The following PCNX2 variants were observed in gnomAD, a reference collection of about 807,000 sequenced individuals.
PCNX2 encodes the protein pecanex 2.
Under a neutral mutation model 223.8 loss-of-function variants are expected in PCNX2, and 168 were observed. That is an observed-to-expected ratio of 0.75 (90% CI 0.66 to 0.85). PCNX2 has a LOEUF of 0.85. Ranked by LOEUF, PCNX2 falls within the 40% of genes least tolerant of loss-of-function variation. The probability of loss-of-function intolerance (pLI) is 0.00; values close to 1 mark genes in which losing one functional copy is unlikely to be tolerated. For synonymous variants in PCNX2, 1,006 were observed against 1,052.6 expected (o/e 0.96, Z 0.86); for missense variants, 2,507 against 2,675.5 (o/e 0.94, Z 1.39).
intron 28 of PCNX2, among the ~76,000 whole-genome samples, chr1:233,007,107 G>A (rs750536859): frequency 4.6e-5 from 7 of 151,892 alleles, no homozygotes; most frequent in Non-Finnish European, 8.8e-5. Flanking sequence ...GCACATGCCT[G>A]TAGTCTCAGC....
intron 18 of PCNX2, among the ~76,000 whole-genome samples, 158 bp downstream of exon 18, chr1:233,161,113 T>C (rs993326384): frequency 1.3e-5 from 2 of 152,174 alleles, no homozygotes; most frequent in African/African-American, 4.8e-5. Context: ...TGGACATAAC[T>C]GTTCACAGTA....
intron 32 of PCNX2, among the ~76,000 whole-genome samples, chr1:232,988,347 G>C (rs895380139): frequency 1.3e-5 from 2 of 152,034 alleles, no homozygotes; most frequent in Non-Finnish European, 2.9e-5. Context: ...AAAGGGAAGT[G>C]GCCTGCTGTA....
intron 8 of PCNX2, among the ~76,000 whole-genome samples, chr1:233,246,216 GAATGCCCTTCAGATGGGATA>G (rs1214394620): frequency 2.2e-4 from 33 of 147,200 alleles, no homozygotes; most frequent in Admixed American, 7.3e-4. Flanking sequence ...CAGATGGGAT[GAATGCCCTTCAGATGGGATA>G]AATGCCCTTC....
intron 23 of PCNX2, among the ~76,000 whole-genome samples, chr1:233,066,331 A>T (rs1439393644): frequency 6.6e-6 from 1 of 152,146 alleles, no homozygotes; most frequent in Non-Finnish European, 1.5e-5. Flanking sequence ...AAGAGCTGTG[A>T]TCCTTCTGGG....
chr1:233,290,761 A>AT, intron 1 of PCNX2: 1 of 985,368 alleles, frequency 1.0e-6, no homozygotes, highest in Non-Finnish European at 1.2e-6. Flanking sequence ...CTAAGATTAA[A>AT]TTTTAAAAAG....
At chr1:233,223,278 C>T (rs191705493) in intron 10 of PCNX2, among the ~76,000 whole-genome samples, 3 of 152,230 alleles carry the variant, frequency 2.0e-5, no homozygotes, top group Admixed American at 2.0e-4. Context: ...GTGACCCTGA[C>T]AAGGGCAGGT....
In PCNX2 at chr1:233,095,832, A is replaced by G. The variant is rs756904166; in HGVS notation, c.3869T>C (p.Val1290Ala). ...LGDLLHKLQF[V>A]LTYVAPWQMA... The stretch of plus-strand genomic sequence containing the variant: ...CTGCCAAGGAGCCACATATGTCAGG[A>G]CGAACTGTAACTTGTGAAGCAGGTC... The change falls in exon 22 of 34, where the codon GTC becomes GCC. Residue 1290 changes from valine (V) to alanine (A), a missense_variant. By Grantham distance (64) the Val-to-Ala change is moderately conservative. This residue lies in a region of PCNX2 where 1,372 missense variants were observed against 1,509.4 expected (regional missense o/e 0.91). Coordinates refer to ENST00000258229, the MANE Select transcript of PCNX2 (RefSeq NM_014801.4). The G allele has an allele frequency of 6.2e-7, 1 of 1,612,070 alleles. No individual in the cohort carries two copies. The highest frequency in any genetic ancestry group is 1.1e-5 in the South Asian group (1 of 90,464).
chr1:233,288,824 T>TAATG, intron 1 of PCNX2: 1 of 748,784 alleles, frequency 1.3e-6, no homozygotes, highest in Non-Finnish European at 2.1e-6. Context: ...TTTTTTTTTT[T>TAATG]TTACTGTGAA....
At chr1:233,188,757 A>G (rs1011540262) in intron 15 of PCNX2, among the ~76,000 whole-genome samples, 8 of 152,140 alleles carry the variant, frequency 5.3e-5, no homozygotes, top group Admixed American at 5.2e-4. Flanking sequence ...TCCTGACCTC[A>G]TGATCCACCC....
At chr1:233,231,559 G>T (rs998697952) in intron 9 of PCNX2, 155 of 855,120 alleles carry the variant, frequency 1.8e-4, no homozygotes, top group Non-Finnish European at 2.1e-4. Context: ...TGTTTTCTTG[G>T]GGGGTGGATA....
chr1:233,240,263 C>T (rs1658676151), intron 8 of PCNX2, among the ~76,000 whole-genome samples: 1 of 152,188 alleles, frequency 6.6e-6, no homozygotes, highest in Non-Finnish European at 1.5e-5. Flanking sequence ...GACAGGAGCG[C>T]AATCTTTGAA....
intron 10 of PCNX2, among the ~76,000 whole-genome samples, chr1:233,221,980 G>T (rs1657406105): frequency 6.6e-6 from 1 of 152,194 alleles, no homozygotes; most frequent in Non-Finnish European, 1.5e-5. Flanking sequence ...AGAGATGGGA[G>T]CTTCCTTTCC....
chr1:233,258,338 C>T lies in PCNX2; in HGVS notation c.1524G>A (p.Lys508=). Reference sequence around the variant, plus strand: ...ATGGGTCAAGGTTAGTCTGGCCTTCCTTCCCCACCTTAGACTCGGAGCCTG... The same window carrying T: ...ATGGGTCAAGGTTAGTCTGGCCTTCTTTCCCCACCTTAGACTCGGAGCCTG... ...PDTGSESKVG[K]EGQTNLDPSS... Residue 508 remains lysine, a synonymous_variant, in exon 5 of 34, where the codon AAG becomes AAA. Coordinates refer to ENST00000258229, the MANE Select transcript of PCNX2 (RefSeq NM_014801.4). The T allele has an allele frequency of 1.2e-6, 2 of 1,614,022 alleles. No individual in the cohort carries two copies. Among genetic ancestry groups the T allele is most frequent in the Non-Finnish European group, 1.7e-6 (2 of 1,179,892 alleles).
intron 23 of PCNX2, among the ~76,000 whole-genome samples, chr1:233,064,908 C>A (rs1185417216): frequency 6.6e-6 from 1 of 152,166 alleles, no homozygotes; most frequent in East Asian, 1.9e-4. Context: ...TATTACTCCA[C>A]TGTTGCTGTG....
chr1:233,072,381 C>T (rs1448500982), intron 23 of PCNX2, among the ~76,000 whole-genome samples: 1 of 152,140 alleles, frequency 6.6e-6, no homozygotes, highest in African/African-American at 2.4e-5. Flanking sequence ...TATGCCAGCA[C>T]CATTTATTGA....
In PCNX2 at chr1:233,258,547, C is replaced by T. The variant is rs376059360; in HGVS notation, c.1315G>A (p.Gly439Arg). 9.9e-6 allele frequency: 16 copies of T among 1,613,914 alleles called. No homozygotes were observed. The highest frequency in any genetic ancestry group is 2.7e-5 in the African/African-American group (2 of 74,942). Reference protein sequence around the residue: ...PVITLDLPEGGGGGVPCPEGN... With the variant: ...PVITLDLPEGRGGGVPCPEGN... ...TCGGGACAGGGAACACCTCCTCCCC[C>T]ACCCTCAGGCAGGTCCAGGGTGATT... Residue 439 changes from glycine to arginine, a missense_variant, in exon 5 of 34, where the codon GGG becomes AGG. Gly to Arg is a moderately radical substitution (Grantham distance 125). This residue lies in a region of PCNX2 where 1,031 missense variants were observed against 1,021.7 expected (regional missense o/e 1.01). Coordinates refer to ENST00000258229, the MANE Select transcript of PCNX2 (RefSeq NM_014801.4).
At position 233,000,445 on chromosome 1, in the gene PCNX2, C is replaced by T. The variant is rs768352720; in HGVS notation, c.5188G>A (p.Glu1730Lys). ...GCGCCCCGCCAGGCCGGGTCGCCCT[C>T]GTGGCAGATGACCACCTTCTTCTCG... is the stretch of plus-strand genomic sequence containing the variant. Reference protein sequence around the residue: ...SFEKKVVICHEGDPAWRGAVL... With the variant: ...SFEKKVVICHKGDPAWRGAVL... The change falls in exon 30 of 34, where the codon GAG becomes AAG. Residue 1730 changes from glutamate (E) to lysine (K), a missense_variant. Physicochemically the swap from Glu to Lys is moderately conservative, Grantham distance 56. Around this residue, in one of 3 missense-constraint regions of PCNX2, gnomAD observed 1,372 missense variants for 1,509.4 expected, o/e 0.91. Transcript: ENST00000258229. The surrounding 1 kb of genome is among the most constrained non-coding windows in gnomAD (Gnocchi z 4.6). 2.5e-6 allele frequency: 4 copies of T among 1,598,164 alleles called. No individual in the cohort carries two copies. Among genetic ancestry groups the T allele is most frequent in the Admixed American group, 3.4e-5 (2 of 58,668 alleles).
In PCNX2 at chr1:233,208,198, A is replaced by G. The variant is rs543340590; in HGVS notation, c.2863+320T>C. On this transcript the variant is annotated intron_variant, in intron 13 of 33. Transcript: ENST00000258229. Reference sequence around the variant, plus strand: ...GGTCTTGAAATCCTGACCTCAGGTGACCCACCGGCCTCGGCCTCCCGAAGT... The same window carrying G: ...GGTCTTGAAATCCTGACCTCAGGTGGCCCACCGGCCTCGGCCTCCCGAAGT... Among the ~76,000 whole-genome samples the G allele has an allele frequency of 7.9e-5, 12 of 152,186 alleles. No homozygotes were observed. In the East Asian group the frequency reaches 2.1e-3, roughly 27 times the overall value.
At chr1:233,313,303 T>C in the PCNX2 span, among the ~76,000 whole-genome samples, 585 of 152,210 alleles carry the variant, frequency 3.8e-3, 3 homozygotes, top group African/African-American at 0.012. Flanking sequence ...AAAGAAGAAT[T>C]GCCAGGAAAA....
Sources: gnomAD v4.1 joint callset for allele counts (sites outside exome capture counted in the v4.1 genomes callset) on GRCh38, gnomAD v4.1.1 for gene constraint, gnomAD v4.1.1 regional missense constraint, Gnocchi (gnomAD v3.1) non-coding constraint, MANE v1.5 for transcripts, NCBI Gene and HGNC (gene_info 2026-07-23, HGNC 2026-07-21) for gene names.